DEPDC1B: variants seen among roughly 807,000 people sequenced by gnomAD.
DEPDC1B encodes DEP domain containing 1B.
In DEPDC1B, 51 loss-of-function variants were observed where a neutral mutation model predicts 66.5. That is an observed-to-expected ratio of 0.77 (90% CI 0.61 to 0.97). The LOEUF (loss-of-function observed/expected upper bound fraction) is 0.97, where lower values mean the gene tolerates loss of function less well. Among genes scored for constraint, DEPDC1B ranks in the 50% least tolerant of loss-of-function variants. DEPDC1B has a pLI of 0.00. For synonymous variants in DEPDC1B, 226 were observed against 223.6 expected, an observed-to-expected ratio of 1.01 and a Z score of -0.10; for missense variants, 552 against 637.1, an observed-to-expected ratio of 0.87 and a Z score of 1.44.
chr5:60,684,313 C>CAA (rs1324271796), intron 2 of DEPDC1B, among the ~76,000 whole-genome samples: 1 of 152,068 alleles, frequency 6.6e-6, no homozygotes, highest in Non-Finnish European at 1.5e-5. Context: ...GCCAAAAGAA[C>CAA]AAAGCTGACA....
intron 1 of DEPDC1B, among the ~76,000 whole-genome samples, chr5:60,691,197 G>A (rs1754536708): frequency 6.6e-6 from 1 of 152,098 alleles, no homozygotes; most frequent in African/African-American, 2.4e-5. Flanking sequence ...GGGGTTACAG[G>A]CATGCGCCAC....
intron 2 of DEPDC1B, among the ~76,000 whole-genome samples, chr5:60,648,464 T>G (rs1243401591): frequency 1.3e-5 from 2 of 152,248 alleles, no homozygotes; most frequent in African/African-American, 4.8e-5. Context: ...TCCCACGGGA[T>G]GTGCACTGCA....
intron 2 of DEPDC1B, among the ~76,000 whole-genome samples, chr5:60,659,954 C>T (rs1753670001): frequency 6.6e-6 from 1 of 152,238 alleles, no homozygotes; most frequent in East Asian, 1.9e-4. Flanking sequence ...TGTTCCCCAC[C>T]ACCCTTGCAG....
chr5:60,622,231 A>C (rs1353079703), intron 7 of DEPDC1B, among the ~76,000 whole-genome samples: 1 of 152,140 alleles, frequency 6.6e-6, no homozygotes, highest in Non-Finnish European at 1.5e-5. Context: ...GTTTGGCAGT[A>C]AGGCCTCTCG....
chr5:60,661,219 C>T (rs1000813818), intron 2 of DEPDC1B, among the ~76,000 whole-genome samples: 22 of 152,090 alleles, frequency 1.4e-4, no homozygotes, highest in African/African-American at 4.8e-4. Context: ...ATGTTGGGCA[C>T]GCTGGTAAAG....
chr5:60,669,490 A>G (rs1260435624), intron 2 of DEPDC1B, among the ~76,000 whole-genome samples: 1 of 152,216 alleles, frequency 6.6e-6, no homozygotes, highest in Non-Finnish European at 1.5e-5. Flanking sequence ...TTTCCCAGAA[A>G]TCCATGATTT....
At chr5:60,692,943 G>A (rs769010977) in intron 1 of DEPDC1B, among the ~76,000 whole-genome samples, 14 of 152,006 alleles carry the variant, frequency 9.2e-5, no homozygotes, top group Admixed American at 6.5e-5. Flanking sequence ...CAGGCCAAAC[G>A]ATCCATGATA....
At chr5:60,668,751 T>C (rs1458550689) in intron 2 of DEPDC1B, among the ~76,000 whole-genome samples, 2 of 152,258 alleles carry the variant, frequency 1.3e-5, no homozygotes, top group East Asian at 3.9e-4. Context: ...TGAAACAGAA[T>C]TTCACACACA....
intron 1 of DEPDC1B, chr5:60,689,046 A>T (rs1264270559): frequency 4.4e-6 from 2 of 456,162 alleles, no homozygotes; most frequent in Non-Finnish European, 8.8e-6. Context: ...TAACAGAATC[A>T]ATCCCTGAGG....
At chr5:60,670,711 A>G (rs1342699318) in intron 2 of DEPDC1B, among the ~76,000 whole-genome samples, 1 of 152,220 alleles carries the variant, frequency 6.6e-6, no homozygotes, top group Non-Finnish European at 1.5e-5. Context: ...ACTGGGAACC[A>G]GAGGGTGGAA....
At chr5:60,675,903 CTTTTTT>C (rs35113345) in intron 2 of DEPDC1B, among the ~76,000 whole-genome samples, 6 of 138,970 alleles carry the variant, frequency 4.3e-5, no homozygotes, top group Non-Finnish European at 6.4e-5. Context: ...TTTCTTTTTT[CTTTTTT>C]TTTTTTTTGT....
chr5:60,642,738 G>T, intron 6 of DEPDC1B, 74 bp downstream of exon 6: 1 of 1,156,494 alleles, frequency 8.6e-7, no homozygotes, highest in Non-Finnish European at 1.3e-6. Context: ...TCAGGCCATT[G>T]AGCAGAAATT....
chr5:60,640,913 A>G (rs1753174569), intron 6 of DEPDC1B, among the ~76,000 whole-genome samples: 2 of 116,346 alleles, frequency 1.7e-5, no homozygotes, highest in Non-Finnish European at 2.1e-5. Context: ...TTCAGAAAAC[A>G]TTGTGACTTT....
At chr5:60,676,736 TC>T (rs1754171092) in intron 2 of DEPDC1B, among the ~76,000 whole-genome samples, 1 of 152,086 alleles carries the variant, frequency 6.6e-6, no homozygotes, top group Admixed American at 6.6e-5. Flanking sequence ...TCCTCCTCCG[TC>T]TCCTTCCCCT....
In DEPDC1B at chr5:60,605,784, C is replaced by A; in HGVS notation, c.971G>T (p.Arg324Met). The A allele has an allele frequency of 6.2e-7, 1 of 1,613,558 alleles. No homozygotes were observed. The highest frequency in any genetic ancestry group is 8.5e-7 in the Non-Finnish European group (1 of 1,179,718). ...ICCLLLPPEN[R>M]RKLQLLMRMM... ...CCTCATCAATAGCTGTAACTTTCTC[C>A]TATTTTCAGGAGGTAGGAGAAGGCA... Residue 324 changes from arginine to methionine, a missense_variant, in exon 8 of 11, where the codon AGG becomes ATG. By Grantham distance (91) the Arg-to-Met change is moderately conservative. Transcript: ENST00000265036.
intron 2 of DEPDC1B, among the ~76,000 whole-genome samples, chr5:60,672,977 C>G (rs905803242): frequency 1.3e-5 from 2 of 152,182 alleles, no homozygotes; most frequent in African/African-American, 4.8e-5. Flanking sequence ...AACCTTTGAA[C>G]TTCTTTGTCA....
chr5:60,645,682 A>G, intron 3 of DEPDC1B, 63 bp from the exon 4 acceptor site: 1 of 1,504,280 alleles, frequency 6.6e-7, no homozygotes, highest in Non-Finnish European at 9.0e-7. Context: ...GTGAATAAAT[A>G]TTTCAATATA....
At chr5:60,657,779 C>A (rs1753611699) in intron 2 of DEPDC1B, among the ~76,000 whole-genome samples, 1 of 152,134 alleles carries the variant, frequency 6.6e-6, no homozygotes, top group South Asian at 2.1e-4. Flanking sequence ...AGGTGATTAC[C>A]TTTTTGCGAT....
At chr5:60,613,229 G>A (rs759380158) in intron 7 of DEPDC1B, among the ~76,000 whole-genome samples, 40 of 152,160 alleles carry the variant, frequency 2.6e-4, no homozygotes, top group Non-Finnish European at 4.9e-4. Flanking sequence ...AAAAACAGTG[G>A]AGCCAGAAGG....
Sources: allele counts gnomAD v4.1 joint callset (sites outside exome capture counted in the v4.1 genomes callset), GRCh38; gene constraint gnomAD v4.1.1; transcripts MANE v1.5; gene names NCBI Gene and HGNC (gene_info 2026-07-23, HGNC 2026-07-21).